Variants in CACNA1E observed in about 807,000 individuals in gnomAD.
CACNA1E encodes voltage-dependent R-type calcium channel subunit alpha-1E.
Under a neutral mutation model 259.2 loss-of-function variants are expected in CACNA1E, and 40 were observed. The ratio of observed to expected loss-of-function variants is 0.15; its 90% CI spans 0.12 to 0.20. CACNA1E has a LOEUF of 0.20. CACNA1E is among the 10% of genes least tolerant of loss of function. The pLI, the probability that CACNA1E is intolerant of heterozygous loss-of-function variation, is 1.00. For synonymous variants in CACNA1E, 1,104 were observed against 1,138.5 expected, an observed-to-expected ratio of 0.97 and a Z score of 0.61; for missense variants, 1,874 against 3,040.1, an observed-to-expected ratio of 0.62 and a Z score of 9.02.
At chr1:181,392,648 A>C (rs76227342) in intron 1 of CACNA1E, among the ~76,000 whole-genome samples, 1 of 152,230 alleles carries the variant, frequency 6.6e-6, no homozygotes, top group South Asian at 2.1e-4. Context: ...AATAAAACAA[A>C]GGAGAAGAAG....
chr1:181,394,824 A>G (rs1026613382), intron 1 of CACNA1E, among the ~76,000 whole-genome samples: 16 of 152,206 alleles, frequency 1.1e-4, no homozygotes, highest in Admixed American at 1.0e-3. Flanking sequence ...TGAGCCTGGC[A>G]TGTTCCGAGA....
chr1:181,418,993 T>G (rs1658504935), intron 2 of CACNA1E, among the ~76,000 whole-genome samples: 1 of 152,128 alleles, frequency 6.6e-6, no homozygotes, highest in African/African-American at 2.4e-5. Context: ...TTTAAGTCAC[T>G]TGCCCAAGAT....
intron 1 of CACNA1E, among the ~76,000 whole-genome samples, chr1:181,372,509 G>C (rs1230457460): frequency 2.0e-5 from 3 of 152,100 alleles, no homozygotes; most frequent in Non-Finnish European, 4.4e-5. Context: ...AGAGACTAGG[G>C]GGTTTTCTAG....
chr1:181,784,969 T>G (rs1319833293), intron 41 of CACNA1E, among the ~76,000 whole-genome samples: 3 of 152,184 alleles, frequency 2.0e-5, no homozygotes, highest in African/African-American at 4.8e-5. Flanking sequence ...GGTGTATAGC[T>G]CTCTCCCTCC....
intron 46 of CACNA1E, 145 bp from the exon 47 acceptor site, chr1:181,796,523 T>G: frequency 1.8e-6 from 1 of 561,124 alleles, no homozygotes; most frequent in Non-Finnish European, 3.1e-6. Context: ...GGCCTCAACA[T>G]TTGAATTTGG....
chr1:181,608,967 G>A (rs557935360), intron 6 of CACNA1E, among the ~76,000 whole-genome samples: 2 of 152,318 alleles, frequency 1.3e-5, no homozygotes, highest in South Asian at 4.1e-4. Context: ...GCCACAGCCT[G>A]GGCCACACAG....
At chr1:181,532,257 A>T (rs932326483) in intron 3 of CACNA1E, among the ~76,000 whole-genome samples, 2 of 152,200 alleles carry the variant, frequency 1.3e-5, no homozygotes, top group African/African-American at 4.8e-5. Flanking sequence ...TAATACAGTC[A>T]GTTGTTTGCA....
Position 181,757,119 on chromosome 1 carries a change from A to C in CACNA1E, c.4322A>C (p.Lys1441Thr), listed in dbSNP as rs1416562641. 6.2e-7 allele frequency: 1 copy of C among 1,612,682 alleles called. No homozygotes were observed. Among genetic ancestry groups the C allele is most frequent in the South Asian group, 1.1e-5 (1 of 91,060 alleles). ...ATGATGGAGGAGTGCAGCCTGGAGA[A>C]GAATGAGGTAATGACAATTGGTCTA... ...DKMMEECSLE[K>T]NERACIDFAI... The change falls in exon 30 of 48, where the codon AAG becomes ACG. Residue 1441 changes from lysine to threonine, a missense_variant. This residue lies in a region of CACNA1E where 188 missense variants were observed against 540.6 expected (regional missense o/e 0.35). Coordinates refer to ENST00000367573, the MANE Select transcript of CACNA1E (RefSeq NM_001205293.3).
intron 2 of CACNA1E, among the ~76,000 whole-genome samples, chr1:181,440,479 C>G (rs933510124): frequency 1.3e-5 from 2 of 152,066 alleles, no homozygotes; most frequent in African/African-American, 4.8e-5. Flanking sequence ...GTCAATCCAC[C>G]AAAGAACAAT....
upstream of CACNA1E, among the ~76,000 whole-genome samples, chr1:181,482,017 C>T (rs116474652): frequency 6.7e-3 from 1,027 of 152,254 alleles, 10 homozygotes; most frequent in African/African-American, 0.021. Context: ...TACAGCGGAA[C>T]CGGGAGGCCG....
intron 2 of CACNA1E, among the ~76,000 whole-genome samples, chr1:181,438,499 C>G (rs554443207): frequency 4.1e-4 from 63 of 152,242 alleles, no homozygotes; most frequent in African/African-American, 1.4e-3. Context: ...TTTAAAAATA[C>G]CATTTGCTTT....
intron 6 of CACNA1E, among the ~76,000 whole-genome samples, chr1:181,631,949 C>G (rs1378092423): frequency 2.0e-5 from 3 of 152,200 alleles, no homozygotes; most frequent in East Asian, 3.8e-4. Flanking sequence ...CAAGATCCCA[C>G]TGGAACTCAG....
chr1:181,713,379 C>T (rs547922041), intron 8 of CACNA1E, among the ~76,000 whole-genome samples: 3 of 152,282 alleles, frequency 2.0e-5, no homozygotes, highest in African/African-American at 7.2e-5. Context: ...GACTTAAAAA[C>T]CCTTTATGTC....
At chr1:181,571,766 T>C (rs1650437671) in intron 3 of CACNA1E, among the ~76,000 whole-genome samples, 1 of 152,160 alleles carries the variant, frequency 6.6e-6, no homozygotes, top group Non-Finnish European at 1.5e-5. Context: ...GGTATCGATA[T>C]GGGTAATTTC....
At chr1:181,466,462 C>T (rs1289212087) in intron 2 of CACNA1E, among the ~76,000 whole-genome samples, 5 of 151,960 alleles carry the variant, frequency 3.3e-5, no homozygotes, top group African/African-American at 7.3e-5. Context: ...ACATGAGAAT[C>T]GCTTGAGTTT....
At chr1:181,461,805 A>C (rs1454638410) in intron 2 of CACNA1E, among the ~76,000 whole-genome samples, 1 of 151,932 alleles carries the variant, frequency 6.6e-6, no homozygotes, top group Non-Finnish European at 1.5e-5. Flanking sequence ...AAAGTATTTT[A>C]CATTTGTTAT....
At chr1:181,735,730 A>C (rs1394885181) in intron 21 of CACNA1E, among the ~76,000 whole-genome samples, 1 of 152,234 alleles carries the variant, frequency 6.6e-6, no homozygotes, top group Non-Finnish European at 1.5e-5. Flanking sequence ...TGATTTCTTG[A>C]AATCTTCCAT....
At chr1:181,394,358 G>A (rs568341120) in intron 1 of CACNA1E, among the ~76,000 whole-genome samples, 1 of 152,306 alleles carries the variant, frequency 6.6e-6, no homozygotes, top group East Asian at 1.9e-4. Context: ...TTCTTCATCT[G>A]TAAAATGTGG....
At chr1:181,513,384 A>G (rs1319645746) in intron 3 of CACNA1E, among the ~76,000 whole-genome samples, 1 of 152,238 alleles carries the variant, frequency 6.6e-6, no homozygotes, top group Non-Finnish European at 1.5e-5. Flanking sequence ...AAAATCTGTA[A>G]TGACTGATCA....
Sources: allele counts gnomAD v4.1 joint callset (sites outside exome capture counted in the v4.1 genomes callset), GRCh38; gene constraint gnomAD v4.1.1; regional missense constraint gnomAD v4.1.1; transcripts MANE v1.5; gene names NCBI Gene and HGNC (gene_info 2026-07-23, HGNC 2026-07-21).